AMOTL1: variants seen among roughly 807,000 people sequenced by gnomAD.
AMOTL1 encodes the protein angiomotin like 1, also known as angiomotin-like protein 1.
Under a neutral mutation model 102.9 loss-of-function variants are expected in AMOTL1, and 45 were observed. The ratio of observed to expected loss-of-function variants is 0.44; its 90% CI spans 0.34 to 0.56. The LOEUF (loss-of-function observed/expected upper bound fraction) is 0.56, where lower values mean the gene tolerates loss of function less well. Ranked by LOEUF, AMOTL1 falls within the 20% of genes least tolerant of loss-of-function variation. The pLI, the probability that AMOTL1 is intolerant of heterozygous loss-of-function variation, is 0.01. For synonymous variants in AMOTL1, 481 were observed against 484.7 expected, an observed-to-expected ratio of 0.99 and a Z score of 0.10; for missense variants, 1,114 against 1,225.6, an observed-to-expected ratio of 0.91 and a Z score of 1.36.
intron 3 of AMOTL1, among the ~76,000 whole-genome samples, chr11:94,809,753 C>A (rs1230474205): frequency 6.6e-6 from 1 of 152,198 alleles, no homozygotes; most frequent in Non-Finnish European, 1.5e-5. Context: ...ATTCTGAAGC[C>A]ATTTCTAATT....
chr11:94,800,700 A>G (rs1951461103), intron 3 of AMOTL1, among the ~76,000 whole-genome samples: 1 of 152,192 alleles, frequency 6.6e-6, no homozygotes, highest in Non-Finnish European at 1.5e-5. Context: ...TTTAAAGGAA[A>G]ATGTAGTCTG....
At chr11:94,742,459 T>C (rs545282701) in intron 3 of AMOTL1, among the ~76,000 whole-genome samples, 92 of 152,212 alleles carry the variant, frequency 6.0e-4, no homozygotes, top group Non-Finnish European at 1.1e-3. Flanking sequence ...ACTAAATTGT[T>C]TGCCTTCACA....
At chr11:94,863,602 A>G (rs1952817627) in intron 9 of AMOTL1, among the ~76,000 whole-genome samples, 1 of 152,150 alleles carries the variant, frequency 6.6e-6, no homozygotes, top group African/African-American at 2.4e-5. Context: ...CAAAAAAAAA[A>G]AAGTTTTTCA....
chr11:94,805,095 G>A (rs1168100042), intron 3 of AMOTL1, among the ~76,000 whole-genome samples: 1 of 152,258 alleles, frequency 6.6e-6, no homozygotes, highest in Non-Finnish European at 1.5e-5. Flanking sequence ...CGTCTCCCAC[G>A]AGTGTAAACA....
At chr11:94,818,253 A>C (rs745601468) in intron 3 of AMOTL1, among the ~76,000 whole-genome samples, 1 of 152,304 alleles carries the variant, frequency 6.6e-6, no homozygotes, top group Non-Finnish European at 1.5e-5. Flanking sequence ...AGCTGGCCTT[A>C]TACCATGTCT....
At chr11:94,846,533 C>A (rs947505659) in intron 6 of AMOTL1, among the ~76,000 whole-genome samples, 4 of 152,234 alleles carry the variant, frequency 2.6e-5, no homozygotes, top group African/African-American at 9.6e-5. Flanking sequence ...CCAGGCAGTA[C>A]TCTGATGCCT....
rs564283906 is a variant in AMOTL1 at position 94,872,708 on chromosome 11, C to T, written c.*1913C>T. The T allele has an allele frequency of 5.3e-5, 8 of 152,244 alleles. No individual in the cohort carries two copies. The highest frequency in any genetic ancestry group is 1.0e-4 in the Non-Finnish European group (7 of 68,090). 9.4% of individuals were successfully genotyped at this position (152,244 alleles called of 1,614,324 possible). A position where few individuals can be genotyped will look rare whatever the true frequency, so the allele number is the denominator to read the frequency against. On this transcript the variant is annotated 3_prime_UTR_variant, in exon 13 of 13. Transcript: ENST00000433060. ...GCTCATCACCTCCTCTAGTCTCACA[C>T]TGAGCATCGGAGTACCTGTTGTGCA... is the stretch of plus-strand genomic sequence containing the variant.
Position 94,864,999 on chromosome 11 carries a change from A to T in AMOTL1, c.2261+139A>T, listed in dbSNP as rs1408674644. The T allele has an allele frequency of 4.8e-6, 6 of 1,260,744 alleles. No individual in the cohort carries two copies. In the South Asian group the frequency reaches 1.5e-4, roughly 31 times the overall value. The allele number at this position is 1,260,744 out of a possible 1,614,324, so 78.1% of individuals were successfully genotyped here. A position where few individuals can be genotyped will look rare whatever the true frequency, so the allele number is the denominator to read the frequency against. On this transcript the variant is annotated intron_variant, in intron 10 of 12. Coordinates refer to ENST00000433060, the MANE Select transcript of AMOTL1 (RefSeq NM_130847.3). ...AAACTCTCCTCCCCCATGCTGTGCC[A>T]TGGAGAGAAGGAAAAGGTTCCAACC...
chr11:94,747,792 CTCAGAT>C (rs1448725348), intron 3 of AMOTL1, among the ~76,000 whole-genome samples: 1 of 152,182 alleles, frequency 6.6e-6, no homozygotes, highest in African/African-American at 2.4e-5. Context: ...CTTCTAGGGG[CTCAGAT>C]TCTTTCAGTG....
chr11:94,825,556 G>A (rs1396725123), intron 4 of AMOTL1, among the ~76,000 whole-genome samples: 1 of 152,134 alleles, frequency 6.6e-6, no homozygotes, highest in Non-Finnish European at 1.5e-5. Context: ...CTTACAGCCT[G>A]GCCTAAGAGC....
chr11:94,818,449 T>A (rs1951804383), intron 3 of AMOTL1, among the ~76,000 whole-genome samples: 1 of 152,194 alleles, frequency 6.6e-6, no homozygotes, highest in South Asian at 2.1e-4. Context: ...TGGAATAAAG[T>A]TGCAGTAAAG....
upstream of AMOTL1, among the ~76,000 whole-genome samples, chr11:94,764,551 G>A (rs926560923): frequency 1.3e-5 from 2 of 152,186 alleles, no homozygotes; most frequent in Admixed American, 6.5e-5. Context: ...CAGTTGTAGC[G>A]ATGGTCCCAG....
intron 1 of AMOTL1, among the ~76,000 whole-genome samples, chr11:94,779,181 C>T (rs1252341026): frequency 6.6e-6 from 1 of 152,118 alleles, no homozygotes; most frequent in Non-Finnish European, 1.5e-5. Flanking sequence ...ACGTAGCCCA[C>T]AATAAGTCTT....
chr11:94,769,039 C>T (rs1950903046), intron 1 of AMOTL1, among the ~76,000 whole-genome samples: 1 of 152,054 alleles, frequency 6.6e-6, no homozygotes, highest in Non-Finnish European at 1.5e-5. Context: ...TTCTGCCCGC[C>T]GGCCAGACCC....
At chr11:94,718,295 T>C (rs1950124674) in intron 1 of AMOTL1, among the ~76,000 whole-genome samples, 1 of 152,042 alleles carries the variant, frequency 6.6e-6, no homozygotes, top group South Asian at 2.1e-4. Context: ...TTAATGGCTA[T>C]GTGAGATTTA....
At chr11:94,843,398 G>A (rs762054801) in intron 6 of AMOTL1, among the ~76,000 whole-genome samples, 1 of 152,102 alleles carries the variant, frequency 6.6e-6, no homozygotes, top group Non-Finnish European at 1.5e-5. Flanking sequence ...TGTTAAGAAG[G>A]GGCCCCTGAG....
intron 8 of AMOTL1, among the ~76,000 whole-genome samples, chr11:94,855,850 G>T (rs1173532608): frequency 2.6e-5 from 4 of 152,186 alleles, no homozygotes; most frequent in African/African-American, 9.7e-5. Context: ...GTGCATGAAG[G>T]CTGCTGACAG....
At chr11:94,832,222 G>A (rs963863121) in intron 6 of AMOTL1, among the ~76,000 whole-genome samples, 2 of 152,044 alleles carry the variant, frequency 1.3e-5, no homozygotes, top group Non-Finnish European at 2.9e-5. Flanking sequence ...CTTTTTTTAA[G>A]CTGTTTTGAA....
intron 2 of AMOTL1, among the ~76,000 whole-genome samples, chr11:94,736,433 G>A (rs1179981854): frequency 6.6e-6 from 1 of 152,014 alleles, no homozygotes; most frequent in Non-Finnish European, 1.5e-5. Flanking sequence ...TGTATTTTTA[G>A]TAGAGATGGA....
Sources: allele counts gnomAD v4.1 joint callset (sites outside exome capture counted in the v4.1 genomes callset), GRCh38; gene constraint gnomAD v4.1.1; transcripts MANE v1.5; gene names NCBI Gene and HGNC (gene_info 2026-07-23, HGNC 2026-07-21).